Variants in AOPEP observed in about 807,000 individuals in gnomAD.
AOPEP encodes aminopeptidase O (putative), also known as aminopeptidase O.
A neutral mutation model predicts 98.1 loss-of-function variants in AOPEP; 77 were observed. The ratio of observed to expected loss-of-function variants is 0.78; its 90% confidence interval spans 0.65 to 0.95. The LOEUF (loss-of-function observed/expected upper bound fraction) is 0.95, where lower values mean the gene tolerates loss of function less well. Ranked by LOEUF, AOPEP falls within the 40% of genes least tolerant of loss-of-function variation. The pLI, the probability that AOPEP is intolerant of heterozygous loss-of-function variation, is 0.00. For missense variants in AOPEP, 1,024 were observed against 1,024.7 expected (o/e 1.00, Z 0.01); for synonymous variants, 346 against 365.3 (o/e 0.95, Z 0.60).
chr9:94,946,472 C>G (rs1480541596), intron 7 of AOPEP, among the ~76,000 whole-genome samples: 1 of 152,160 alleles, frequency 6.6e-6, no homozygotes, highest in Non-Finnish European at 1.5e-5. Context: ...TGCTCAGCTT[C>G]TACCTGAGCA....
intron 5 of AOPEP, among the ~76,000 whole-genome samples, chr9:94,804,629 G>A (rs552146408): frequency 2.0e-5 from 3 of 152,222 alleles, no homozygotes; most frequent in South Asian, 4.1e-4. Context: ...TTTGGTTATT[G>A]TTTATTTATT....
intron 14 of AOPEP, among the ~76,000 whole-genome samples, chr9:95,073,817 T>C (rs931300783): frequency 6.6e-6 from 1 of 152,064 alleles, no homozygotes; most frequent in African/African-American, 2.4e-5. Context: ...CGAGATCGCG[T>C]CACTGTACTC....
intron 5 of AOPEP, among the ~76,000 whole-genome samples, chr9:94,823,738 C>T (rs189445164): frequency 1.1e-4 from 16 of 152,226 alleles, no homozygotes; most frequent in Admixed American, 7.9e-4. Flanking sequence ...TTGGAGAATT[C>T]GTCAGAGTTT....
chr9:95,126,944 CTG>C, the AOPEP span: 1 of 292,236 alleles, frequency 3.4e-6, no homozygotes. Flanking sequence ...TGAAGTGTGC[CTG>C]TGTGACCTCC....
intron 9 of AOPEP, among the ~76,000 whole-genome samples, chr9:94,966,274 CTT>C (rs1376376822): frequency 2.0e-5 from 3 of 151,638 alleles, no homozygotes; most frequent in Non-Finnish European, 4.4e-5. Context: ...TATTTGCAGA[CTT>C]GGTTCTATTG....
intron 5 of AOPEP, among the ~76,000 whole-genome samples, chr9:94,868,396 A>G (rs949439045): frequency 2.0e-5 from 3 of 152,188 alleles, no homozygotes; most frequent in African/African-American, 7.2e-5. Context: ...TCAATTTTAG[A>G]TGTAACACGG....
chr9:94,984,047 T>G (rs2138823568), intron 11 of AOPEP, among the ~76,000 whole-genome samples: 1 of 152,084 alleles, frequency 6.6e-6, no homozygotes, highest in East Asian at 1.9e-4. Flanking sequence ...TTTTTTTTTT[T>G]TTTTGAGACG....
chr9:94,759,905 G>T lies in AOPEP; in HGVS notation c.122G>T (p.Gly41Val). ...GATTTTGAAAGTCAAGTCATTGAGG[G>T]GACCATAGTGCTTTTCCTCGAGGAT... ...DVDFESQVIE[G>V]TIVLFLEDGN... The change falls in exon 2 of 17, where the codon GGG becomes GTG. Residue 41 changes from glycine to valine, a missense_variant. Around this residue, in one of 3 missense-constraint regions of AOPEP, gnomAD observed 440 missense variants for 433.8 expected, o/e 1.01. Transcript: ENST00000375315. The T allele has an allele frequency of 6.2e-7, 1 of 1,614,124 alleles. No individual in the cohort carries two copies. The highest frequency in any genetic ancestry group is 8.5e-7 in the Non-Finnish European group (1 of 1,180,022).
At chr9:94,845,750 G>A (rs1388111006) in intron 5 of AOPEP, among the ~76,000 whole-genome samples, 3 of 152,054 alleles carry the variant, frequency 2.0e-5, no homozygotes, top group Non-Finnish European at 4.4e-5. Context: ...GGGAGGGCTG[G>A]GCAGGGGAAG....
intron 1 of AOPEP, among the ~76,000 whole-genome samples, chr9:94,746,743 G>C (rs569659285): frequency 1.3e-5 from 2 of 152,304 alleles, no homozygotes; most frequent in East Asian, 3.9e-4. Flanking sequence ...AACAAAGCCA[G>C]AGTCAACACA....
At chr9:95,025,263 C>T (rs1001876101) in intron 13 of AOPEP, among the ~76,000 whole-genome samples, 5 of 152,278 alleles carry the variant, frequency 3.3e-5, no homozygotes, top group South Asian at 4.2e-4. Flanking sequence ...TCTTCCTTCT[C>T]CCGTGATCCA....
At chr9:94,960,709 T>A (rs2058758215) in intron 9 of AOPEP, among the ~76,000 whole-genome samples, 1 of 151,912 alleles carries the variant, frequency 6.6e-6, no homozygotes, top group Non-Finnish European at 1.5e-5. Context: ...TTCTGAGTTC[T>A]TACTGCGTAA....
intron 7 of AOPEP, chr9:94,932,979 C>A: frequency 1.0e-6 from 1 of 985,398 alleles, no homozygotes; most frequent in Non-Finnish European, 1.2e-6. Context: ...TGTTAGGGGT[C>A]ACATGCCATT....
the AOPEP span, among the ~76,000 whole-genome samples, chr9:95,105,455 TAAAAC>T: frequency 6.6e-5 from 10 of 152,264 alleles, no homozygotes; most frequent in East Asian, 1.9e-4. Flanking sequence ...AAATAAAAAA[TAAAAC>T]AAAACTCCCA....
chr9:94,862,893 G>A (rs2045222979), intron 5 of AOPEP, among the ~76,000 whole-genome samples: 1 of 152,148 alleles, frequency 6.6e-6, no homozygotes, highest in African/African-American at 2.4e-5. Context: ...TAATTCTCGG[G>A]ACAAAGTATA....
At position 94,811,399 on chromosome 9, in the gene AOPEP, A is replaced by G. The variant is rs185478551; in HGVS notation, c.1364+10397A>G. On this transcript the variant is annotated intron_variant, in intron 5 of 16. Transcript: ENST00000375315. Reference sequence around the variant, plus strand: ...GCATGCATGGCAGAACTTTACTGAGAGGGGCGCAGCTACAAACCCTGTTTT... The same window carrying G: ...GCATGCATGGCAGAACTTTACTGAGGGGGGCGCAGCTACAAACCCTGTTTT... Among the ~76,000 whole-genome samples, 4 of 152,230 alleles carry G rather than the reference A, an allele frequency of 2.6e-5. No individual in the cohort carries two copies. In the East Asian group the frequency reaches 7.7e-4, roughly 29 times the overall value.
At chr9:95,145,302 TACA>T in the AOPEP span, 1 of 152,064 alleles carries the variant, frequency 6.6e-6, no homozygotes, top group Non-Finnish European at 1.5e-5. Context: ...AAAACACAAA[TACA>T]ACAAAACATT....
chr9:94,896,119 G>C (rs1487085918), intron 5 of AOPEP, among the ~76,000 whole-genome samples: 4 of 152,090 alleles, frequency 2.6e-5, no homozygotes, highest in Non-Finnish European at 5.9e-5. Flanking sequence ...GGATGCATAG[G>C]AAAACCAAGA....
At chr9:95,114,843 C>T in the AOPEP span, 4 of 761,570 alleles carry the variant, frequency 5.3e-6, no homozygotes, top group Non-Finnish European at 7.0e-6. Flanking sequence ...CAATACTGTT[C>T]TCATGCTTTT....
Sources: gnomAD v4.1 joint callset for allele counts (sites outside exome capture counted in the v4.1 genomes callset) on GRCh38, gnomAD v4.1.1 for gene constraint, gnomAD v4.1.1 regional missense constraint, MANE v1.5 for transcripts, NCBI Gene and HGNC (gene_info 2026-07-23, HGNC 2026-07-21) for gene names.